Variants in DLG2 observed in about 807,000 individuals in gnomAD.
The protein encoded by DLG2 is disks large homolog 2.
DLG2 carries 45 observed loss-of-function variants against 132.5 expected under a neutral mutation model. The ratio of observed to expected loss-of-function variants is 0.34; its 90% confidence interval spans 0.27 to 0.44. The LOEUF (loss-of-function observed/expected upper bound fraction) is 0.44, where lower values mean the gene tolerates loss of function less well. Ranked by LOEUF, DLG2 falls within the 20% of genes least tolerant of loss-of-function variation. The probability of loss-of-function intolerance (pLI) is 1.00; values close to 1 mark genes in which losing one functional copy is unlikely to be tolerated. For synonymous variants in DLG2, 424 were observed against 419.6 expected (o/e 1.01, Z -0.13); for missense variants, 1,045 against 1,196.9 (o/e 0.87, Z 1.87).
chr11:83,587,802 A>G (rs112492562), intron 19 of DLG2, among the ~76,000 whole-genome samples: 1 of 152,190 alleles, frequency 6.6e-6, no homozygotes, highest in Non-Finnish European at 1.5e-5. Flanking sequence ...CGCGAGCCGA[A>G]GCAGGGCGAG....
intron 6 of DLG2, among the ~76,000 whole-genome samples, chr11:84,869,350 A>C (rs780402398): frequency 6.6e-6 from 1 of 152,202 alleles, no homozygotes; most frequent in Non-Finnish European, 1.5e-5. Context: ...GGATAGCTGG[A>C]TTCAATGGCT....
intron 3 of DLG2, among the ~76,000 whole-genome samples, chr11:85,389,092 G>A (rs1378028468): frequency 6.6e-6 from 1 of 151,788 alleles, no homozygotes; most frequent in African/African-American, 2.4e-5. Context: ...CCAAATAAAA[G>A]AAATTTTTAA....
chr11:84,220,154 A>G (rs975956002), intron 8 of DLG2, among the ~76,000 whole-genome samples: 81 of 152,126 alleles, frequency 5.3e-4, no homozygotes, highest in African/African-American at 1.9e-3. Context: ...TCGTATATTC[A>G]TTCCACAAAT....
intron 19 of DLG2, among the ~76,000 whole-genome samples, chr11:83,622,583 C>G (rs1398350861): frequency 6.6e-6 from 1 of 152,036 alleles, no homozygotes; most frequent in Non-Finnish European, 1.5e-5. Flanking sequence ...TTGTTGCATC[C>G]CAGAGATTTT....
intron 4 of DLG2, among the ~76,000 whole-genome samples, chr11:85,224,985 G>A (rs1447461273): frequency 6.6e-6 from 1 of 152,094 alleles, no homozygotes; most frequent in Non-Finnish European, 1.5e-5. Context: ...GATTAGAGAA[G>A]AGTGCCAACT....
chr11:85,448,728 T>G (rs2092115616), intron 3 of DLG2, among the ~76,000 whole-genome samples: 1 of 152,180 alleles, frequency 6.6e-6, no homozygotes, highest in Non-Finnish European at 1.5e-5. Flanking sequence ...GATAAGGGTT[T>G]GGGGACCCAA....
At chr11:84,767,794 G>A (rs1426453591) in intron 6 of DLG2, among the ~76,000 whole-genome samples, 1 of 151,994 alleles carries the variant, frequency 6.6e-6, no homozygotes, top group African/African-American at 2.4e-5. Flanking sequence ...CCCAGAGTAG[G>A]TAGCTTATAT....
At chr11:83,624,159 G>A (rs1378657256) in intron 19 of DLG2, among the ~76,000 whole-genome samples, 1 of 152,136 alleles carries the variant, frequency 6.6e-6, no homozygotes, top group Admixed American at 6.5e-5. Context: ...CTGTGGCTCA[G>A]AAGAGGTTTT....
intron 3 of DLG2, among the ~76,000 whole-genome samples, chr11:85,300,780 G>A (rs568036793): frequency 3.4e-4 from 52 of 152,118 alleles, no homozygotes; most frequent in Non-Finnish European, 6.2e-4. Flanking sequence ...AAAGGAGGAA[G>A]AACATTCAAC....
chr11:85,514,221 G>A (rs1263836344), intron 3 of DLG2, among the ~76,000 whole-genome samples: 1 of 151,942 alleles, frequency 6.6e-6, no homozygotes, highest in Admixed American at 6.6e-5. Context: ...AACTTTGTAA[G>A]ATAGATACTA....
At chr11:84,616,957 C>T (rs1292986707) in intron 6 of DLG2, among the ~76,000 whole-genome samples, 2 of 151,206 alleles carry the variant, frequency 1.3e-5, no homozygotes, top group Admixed American at 1.3e-4. Context: ...ATATCATCAT[C>T]CAGTTCTTCC....
intron 6 of DLG2, among the ~76,000 whole-genome samples, chr11:84,781,149 T>C (rs1159071380): frequency 1.3e-5 from 2 of 151,744 alleles, no homozygotes; most frequent in Admixed American, 1.3e-4. Flanking sequence ...GAGCACAGAA[T>C]ATAAAAATAC....
chr11:83,812,950 G>A (rs2153967177), intron 17 of DLG2, among the ~76,000 whole-genome samples: 1 of 152,268 alleles, frequency 6.6e-6, no homozygotes. Context: ...GGGACTGTTG[G>A]TGGCACTGTC....
chr11:83,993,982 G>C (rs1221058833), intron 11 of DLG2, among the ~76,000 whole-genome samples: 2 of 152,116 alleles, frequency 1.3e-5, no homozygotes, highest in Non-Finnish European at 2.9e-5. Context: ...GGTGGATCTT[G>C]AAAAATTTCC....
At chr11:85,519,725 C>T in intron 3 of DLG2, among the ~76,000 whole-genome samples, 1 of 152,066 alleles carries the variant, frequency 6.6e-6, no homozygotes, top group Non-Finnish European at 1.5e-5. Context: ...TGGTTTGGCT[C>T]ATCCAAATCT....
chr11:84,481,951 A>T (rs1456340213), intron 7 of DLG2, among the ~76,000 whole-genome samples: 1 of 152,200 alleles, frequency 6.6e-6, no homozygotes, highest in African/African-American at 2.4e-5. Flanking sequence ...TTTTATGTGC[A>T]TATTCAGCAG....
intron 10 of DLG2, among the ~76,000 whole-genome samples, chr11:84,067,249 G>A (rs561730364): frequency 6.6e-5 from 10 of 152,002 alleles, no homozygotes; most frequent in Admixed American, 2.6e-4. Context: ...CAGGAGAATC[G>A]CTTGAACACT....
At chr11:83,479,642 T>C (rs894790675) in intron 22 of DLG2, among the ~76,000 whole-genome samples, 3 of 152,054 alleles carry the variant, frequency 2.0e-5, no homozygotes, top group African/African-American at 7.2e-5. Flanking sequence ...ATGTGATCGG[T>C]GTTTGGTGGA....
intron 5 of DLG2, among the ~76,000 whole-genome samples, chr11:85,148,343 C>G (rs969831966): frequency 1.3e-5 from 2 of 152,118 alleles, no homozygotes; most frequent in Non-Finnish European, 2.9e-5. Context: ...TCTTCCACAA[C>G]AGTTGAACTA....
Sources: gnomAD v4.1 joint callset for allele counts (sites outside exome capture counted in the v4.1 genomes callset) on GRCh38, gnomAD v4.1.1 for gene constraint, MANE v1.5 for transcripts, NCBI Gene and HGNC (gene_info 2026-07-23, HGNC 2026-07-21) for gene names.